The following MAP7 variants were observed in gnomAD, a reference collection of about 807,000 sequenced individuals.
MAP7 encodes microtubule associated protein 7, also known as ensconsin.
In MAP7, 52 loss-of-function variants were observed where a neutral mutation model predicts 94.8. The ratio of observed to expected loss-of-function variants is 0.55; its 90% CI spans 0.44 to 0.69. The LOEUF (loss-of-function observed/expected upper bound fraction) is 0.69. Among genes scored for constraint, MAP7 ranks in the 30% least tolerant of loss-of-function variants. MAP7 has a pLI of 0.00. For synonymous variants in MAP7, 350 were observed against 357.0 expected, an observed-to-expected ratio of 0.98 and a Z score of 0.22; for missense variants, 940 against 964.6, an observed-to-expected ratio of 0.97 and a Z score of 0.34.
In MAP7 at chr6:136,361,243, C is replaced by A; in HGVS notation, c.1527-64G>T. On this transcript the variant is annotated intron_variant, in intron 11 of 17. Coordinates refer to ENST00000354570, the MANE Select transcript of MAP7 (RefSeq NM_003980.6). ...TGAGGAGAAATCTTTGAAGAGAGGCCTCCGTCGGTGGTTCTGTAGGGCGGT... is the reference window on the plus strand; with the variant it reads ...TGAGGAGAAATCTTTGAAGAGAGGCATCCGTCGGTGGTTCTGTAGGGCGGT... 3 of 1,562,896 alleles carry A rather than the reference C, an allele frequency of 1.9e-6. No homozygotes were observed. The South Asian group carries it at 3.4e-5, about 18-fold the overall frequency.
In MAP7 at chr6:136,456,803, A is replaced by AG. The variant is rs1209206441; in HGVS notation, c.68-35005dup. Among the ~76,000 whole-genome samples, 67 of 66,674 alleles carry AG rather than the reference A, an allele frequency of 1.0e-3. 1 individual carries two copies. The highest frequency in any genetic ancestry group is 2.5e-3 in the African/African-American group (55 of 21,984). The allele number at this position is 66,674 out of a possible 152,430, so 43.7% of individuals were successfully genotyped here. A position where few individuals can be genotyped will look rare whatever the true frequency, so the allele number is the denominator to read the frequency against. ...AAGAAGAAGAAGAAGAAGAAGAAGA[A>AG]GAAGAAGAAGAAGAAGAAGGAAGAA... On this transcript the variant is annotated intron_variant, in intron 1 of 17. Transcript: ENST00000354570.
Position 136,343,228 on chromosome 6 carries a change from G to T in MAP7, c.*1000C>A, listed in dbSNP as rs1786893826. 6.6e-6 allele frequency: 1 copy of T among 152,630 alleles called. No individual in the cohort carries two copies. Among genetic ancestry groups the T allele is most frequent in the African/African-American group, 2.4e-5 (1 of 41,456 alleles). 9.5% of individuals were successfully genotyped at this position (152,630 alleles called of 1,614,324 possible). ...CACGCAGAGCAAGGACTTCCATGAA[G>T]GTCCGTGTCCTGTGTGCCAAACACA... is the stretch of plus-strand genomic sequence containing the variant. On this transcript the variant is annotated 3_prime_UTR_variant, in exon 18 of 18. Transcript: ENST00000354570.
chr6:136,457,123 T>C (rs561373774), intron 1 of MAP7, among the ~76,000 whole-genome samples: 1 of 148,646 alleles, frequency 6.7e-6, no homozygotes, highest in South Asian at 2.1e-4. Context: ...TTATAACTGA[T>C]GCCACAGAAA....
chr6:136,440,121 G>C (rs1228126022), intron 1 of MAP7, among the ~76,000 whole-genome samples: 16 of 152,170 alleles, frequency 1.1e-4, no homozygotes, highest in Admixed American at 1.0e-3. Context: ...TCTGTAGCAT[G>C]ATCACAGACA....
chr6:136,491,554 C>T (rs1195271109), intron 1 of MAP7, among the ~76,000 whole-genome samples: 3 of 152,296 alleles, frequency 2.0e-5, no homozygotes, highest in Non-Finnish European at 1.5e-5. Context: ...AGAACCACCA[C>T]CCTGTGGGCA....
chr6:136,548,643 T>C (rs1422380165), intron 1 of MAP7, among the ~76,000 whole-genome samples: 1 of 152,248 alleles, frequency 6.6e-6, no homozygotes, highest in Non-Finnish European at 1.5e-5. Context: ...TATTAATTGT[T>C]GGAAGCACGG....
At chr6:136,506,534 A>T (rs773624286) in intron 1 of MAP7, among the ~76,000 whole-genome samples, 104 of 151,730 alleles carry the variant, frequency 6.9e-4, no homozygotes, top group Middle Eastern at 3.4e-3. Flanking sequence ...AAGATTATTT[A>T]TCAGGGGGCA....
chr6:136,487,672 G>A (rs1442319575), intron 1 of MAP7, among the ~76,000 whole-genome samples: 14 of 151,826 alleles, frequency 9.2e-5, no homozygotes, highest in Non-Finnish European at 2.1e-4. Flanking sequence ...GCGTGCGACT[G>A]AGCTCCCACC....
At chr6:136,524,455 T>C (rs1827278205) in intron 1 of MAP7, among the ~76,000 whole-genome samples, 3 of 152,214 alleles carry the variant, frequency 2.0e-5, no homozygotes, top group Admixed American at 2.0e-4. Context: ...TCCTGAGTTT[T>C]CATCCAGAGC....
At chr6:136,441,203 TA>T (rs1797767111) in intron 1 of MAP7, among the ~76,000 whole-genome samples, 1 of 152,218 alleles carries the variant, frequency 6.6e-6, no homozygotes, top group Admixed American at 6.5e-5. Context: ...GGCAGATATA[TA>T]CCCAGCAGCA....
chr6:136,421,519 A>C (rs937493205), intron 2 of MAP7, among the ~76,000 whole-genome samples, 182 bp downstream of exon 2: 1 of 152,218 alleles, frequency 6.6e-6, no homozygotes, highest in African/African-American at 2.4e-5. Flanking sequence ...AGGTTCTCTG[A>C]CTTAATATCA....
chr6:136,350,257 G>A (rs747323869), intron 16 of MAP7, among the ~76,000 whole-genome samples: 17 of 152,128 alleles, frequency 1.1e-4, no homozygotes, highest in Admixed American at 2.0e-4. Flanking sequence ...AAGCTGGAGG[G>A]ATCTATAACT....
intron 5 of MAP7, 88 bp from the exon 6 acceptor site, chr6:136,383,869 G>T: frequency 1.3e-6 from 1 of 763,390 alleles, no homozygotes; most frequent in Non-Finnish European, 2.3e-6. Context: ...AACTAGGATT[G>T]GATGCTTTCT....
intron 2 of MAP7, among the ~76,000 whole-genome samples, chr6:136,416,490 G>A (rs1329831917): frequency 6.6e-6 from 1 of 152,068 alleles, no homozygotes; most frequent in Non-Finnish European, 1.5e-5. Flanking sequence ...ACAAAAGTTA[G>A]CTATAGAAAA....
At chr6:136,515,296 T>C (rs778848790) in intron 1 of MAP7, among the ~76,000 whole-genome samples, 1 of 152,264 alleles carries the variant, frequency 6.6e-6, no homozygotes, top group Non-Finnish European at 1.5e-5. Context: ...TTTGATCTTC[T>C]ATCCAGACCA....
intron 1 of MAP7, among the ~76,000 whole-genome samples, chr6:136,512,558 G>A (rs1380532068): frequency 2.0e-5 from 3 of 152,116 alleles, no homozygotes; most frequent in East Asian, 1.9e-4. Flanking sequence ...AGCAAATATT[G>A]CAATAAAGCA....
At chr6:136,525,914 A>T in intron 1 of MAP7, 2 of 1,533,966 alleles carry the variant, frequency 1.3e-6, no homozygotes, top group Non-Finnish European at 1.7e-6. Flanking sequence ...TTGGCCTTGC[A>T]TTGGTCTTCT....
chr6:136,435,960 T>C (rs1026627724), intron 1 of MAP7, among the ~76,000 whole-genome samples: 11 of 152,230 alleles, frequency 7.2e-5, no homozygotes, highest in African/African-American at 2.7e-4. Context: ...TTGTGGGTTA[T>C]CAGTTATACA....
chr6:136,346,042 C>A lies in MAP7; in HGVS notation c.2053G>T (p.Val685Leu), dbSNP rs755082190. The A allele has an allele frequency of 4.3e-6, 7 of 1,613,142 alleles. No homozygotes were observed. The highest frequency in any genetic ancestry group is 5.9e-6 in the Non-Finnish European group (7 of 1,179,396). The change falls in exon 17 of 18, where the codon GTA (valine) becomes TTA (leucine). Residue 685 changes from valine to leucine, a missense_variant. Val to Leu is a conservative substitution (Grantham distance 32). Coordinates refer to ENST00000354570, the MANE Select transcript of MAP7 (RefSeq NM_003980.6). ...TCAAAATTTTCATTCTGAACAGATACACCATTTTCATTTGGTTGTTTTTCC... is the reference window on the plus strand; with the variant it reads ...TCAAAATTTTCATTCTGAACAGATAAACCATTTTCATTTGGTTGTTTTTCC... ...DLEKQPNENG[V>L]SVQNENFEEI...
Sources: allele counts gnomAD v4.1 joint callset (sites outside exome capture counted in the v4.1 genomes callset), GRCh38; gene constraint gnomAD v4.1.1; transcripts MANE v1.5; gene names NCBI Gene and HGNC (gene_info 2026-07-23, HGNC 2026-07-21).